The following IMMP2L variants were observed in gnomAD, a reference collection of about 807,000 sequenced individuals.
The protein encoded by IMMP2L is inner mitochondrial membrane peptidase subunit 2, also known as mitochondrial inner membrane protease subunit 2.
Under a neutral mutation model 19.3 loss-of-function variants are expected in IMMP2L, and 18 were observed. That is an observed-to-expected ratio of 0.93 (90% confidence interval 0.64 to 1.38). The LOEUF (loss-of-function observed/expected upper bound fraction) is 1.38, where lower values mean the gene tolerates loss of function less well. Ranked by LOEUF, IMMP2L falls within the 40% of genes most tolerant of loss-of-function variation. The pLI, the probability that IMMP2L is intolerant of heterozygous loss-of-function variation, is 0.00. For missense variants in IMMP2L, 233 were observed against 218.2 expected, an observed-to-expected ratio of 1.07 and a Z score of -0.43; for synonymous variants, 76 against 73.0, an observed-to-expected ratio of 1.04 and a Z score of -0.21.
chr7:111,486,961 G>A (rs774294075), intron 3 of IMMP2L, among the ~76,000 whole-genome samples: 2 of 151,998 alleles, frequency 1.3e-5, no homozygotes, highest in Non-Finnish European at 2.9e-5. Context: ...TTCCAAAGTA[G>A]TACCAAATGC....
At chr7:111,520,232 T>C (rs1417720100) in intron 2 of IMMP2L, among the ~76,000 whole-genome samples, 1 of 152,144 alleles carries the variant, frequency 6.6e-6, no homozygotes. Context: ...CCAGTTTGCT[T>C]TGGGCTGGTG....
At chr7:111,517,378 T>C (rs1845959716) in intron 2 of IMMP2L, among the ~76,000 whole-genome samples, 1 of 152,042 alleles carries the variant, frequency 6.6e-6, no homozygotes, top group Non-Finnish European at 1.5e-5. Context: ...TTTTCAAGTA[T>C]TTTTGCCCTC....
intron 4 of IMMP2L, among the ~76,000 whole-genome samples, chr7:110,960,786 C>T (rs1818852322): frequency 6.6e-6 from 1 of 151,812 alleles, no homozygotes; most frequent in Non-Finnish European, 1.5e-5. Context: ...ATATATCCTC[C>T]CCTAAATGCT....
At chr7:111,488,082 A>G (rs1477265454) in intron 2 of IMMP2L, among the ~76,000 whole-genome samples, 2 of 152,200 alleles carry the variant, frequency 1.3e-5, no homozygotes, top group Non-Finnish European at 2.9e-5. Flanking sequence ...TCATTTGGAC[A>G]GGGGTACAGA....
In IMMP2L at chr7:110,902,226, AT is replaced by A. The variant is rs536464068; in HGVS notation, c.306-15532del. Reference sequence around the variant, plus strand: ...TAAGTATAGAAAAAACACCAAAAAAATGTGATAAATGGTAGATTCAAAATAT... The same window carrying A: ...TAAGTATAGAAAAAACACCAAAAAAAGTGATAAATGGTAGATTCAAAATAT... On this transcript the variant is annotated intron_variant, in intron 4 of 5. Transcript: ENST00000405709. Among the ~76,000 whole-genome samples, 44 of 152,094 alleles carry A rather than the reference AT, an allele frequency of 2.9e-4. No individual in the cohort carries two copies. The East Asian group carries it at 5.6e-3, about 19-fold the overall frequency.
chr7:111,446,635 T>C (rs1443147147), intron 3 of IMMP2L, among the ~76,000 whole-genome samples: 1 of 152,080 alleles, frequency 6.6e-6, no homozygotes, highest in African/African-American at 2.4e-5. Flanking sequence ...CTGGAAACTC[T>C]AAAACACAGA....
At chr7:111,338,729 G>A (rs1363362917) in intron 3 of IMMP2L, among the ~76,000 whole-genome samples, 1 of 151,996 alleles carries the variant, frequency 6.6e-6, no homozygotes, top group Non-Finnish European at 1.5e-5. Flanking sequence ...TTATTGTCTT[G>A]TGAATAAAGA....
chr7:111,318,430 A>C (rs1003794813), intron 3 of IMMP2L, among the ~76,000 whole-genome samples: 3 of 152,192 alleles, frequency 2.0e-5, no homozygotes, highest in Non-Finnish European at 4.4e-5. Context: ...TAAAGGAAAC[A>C]GCAAAAGGAA....
At chr7:111,459,541 C>G (rs1273085260) in intron 3 of IMMP2L, among the ~76,000 whole-genome samples, 1 of 152,088 alleles carries the variant, frequency 6.6e-6, no homozygotes, top group Non-Finnish European at 1.5e-5. Context: ...TATCATTATA[C>G]TATATTTACT....
At chr7:111,177,759 C>G (rs1807236589) in intron 3 of IMMP2L, among the ~76,000 whole-genome samples, 1 of 151,962 alleles carries the variant, frequency 6.6e-6, no homozygotes, top group Admixed American at 6.6e-5. Context: ...GAGTTGGGTA[C>G]ATGTGACATT....
At chr7:111,400,039 C>A (rs1833273284) in intron 3 of IMMP2L, among the ~76,000 whole-genome samples, 1 of 152,134 alleles carries the variant, frequency 6.6e-6, no homozygotes, top group East Asian at 1.9e-4. Context: ...TAGTCCCACT[C>A]TCCATCTGAA....
intron 5 of IMMP2L, among the ~76,000 whole-genome samples, chr7:110,670,472 T>C (rs545476218): frequency 8.2e-4 from 124 of 152,112 alleles, no homozygotes; most frequent in African/African-American, 2.9e-3. Flanking sequence ...GACAGATCAC[T>C]TGAGGTCAGG....
chr7:110,893,743 A>G (rs1034256091), intron 4 of IMMP2L, among the ~76,000 whole-genome samples: 1 of 152,192 alleles, frequency 6.6e-6, no homozygotes, highest in African/African-American at 2.4e-5. Flanking sequence ...ACATTTCAGT[A>G]TAAGTATGAC....
intron 5 of IMMP2L, among the ~76,000 whole-genome samples, chr7:110,674,542 A>C (rs997476995): frequency 6.6e-6 from 1 of 152,234 alleles, no homozygotes; most frequent in Non-Finnish European, 1.5e-5. Context: ...AATTTTACTT[A>C]GCAGCGTAAG....
intron 5 of IMMP2L, among the ~76,000 whole-genome samples, chr7:110,850,614 T>C (rs1203949091): frequency 3.3e-5 from 5 of 151,702 alleles, no homozygotes; most frequent in African/African-American, 1.2e-4. Flanking sequence ...CCAAGAACCC[T>C]CCTGGGCTAA....
chr7:110,978,677 A>C (rs1820948638), intron 3 of IMMP2L, among the ~76,000 whole-genome samples: 1 of 152,060 alleles, frequency 6.6e-6, no homozygotes, highest in African/African-American at 2.4e-5. Flanking sequence ...TCCTGTTTAA[A>C]ATAAGTTTAT....
intron 5 of IMMP2L, among the ~76,000 whole-genome samples, chr7:110,861,308 C>T (rs541811930): frequency 3.3e-5 from 5 of 151,662 alleles, no homozygotes; most frequent in South Asian, 2.1e-4. Flanking sequence ...CAGGGTCTTG[C>T]GTCGGCTGCA....
chr7:111,470,199 G>A (rs1243908271), intron 3 of IMMP2L, among the ~76,000 whole-genome samples: 1 of 152,134 alleles, frequency 6.6e-6, no homozygotes, highest in Admixed American at 6.5e-5. Context: ...CAGTTAAAAT[G>A]GCAATCATTA....
At position 111,562,022 on chromosome 7, in the gene IMMP2L, A is replaced by T. The variant is rs1237350358; in HGVS notation, c.-174T>A. 1 of 152,532 alleles carries T rather than the reference A, an allele frequency of 6.6e-6. No individual in the cohort carries two copies. The highest frequency in any genetic ancestry group is 2.4e-5 in the African/African-American group (1 of 41,456). 9.4% of individuals were successfully genotyped at this position (152,532 alleles called of 1,614,324 possible). ...TGCCCAACACTTCCAGGCAGAAGGC[A>T]GCGCGCCCCCACAGCGCTCCCTCAC... On this transcript the variant is annotated 5_prime_UTR_variant, in exon 1 of 6. Transcript: ENST00000405709.
Sources: allele counts gnomAD v4.1 joint callset (sites outside exome capture counted in the v4.1 genomes callset), GRCh38; gene constraint gnomAD v4.1.1; transcripts MANE v1.5; gene names NCBI Gene and HGNC (gene_info 2026-07-23, HGNC 2026-07-21).